The following TMX4 variants were observed in gnomAD, a reference collection of about 807,000 sequenced individuals.
TMX4 encodes the protein thioredoxin-related transmembrane protein 4.
In TMX4, 23 loss-of-function variants were observed where a neutral mutation model predicts 33.3. The ratio of observed to expected loss-of-function variants is 0.69; its 90% CI spans 0.50 to 0.98. The LOEUF (loss-of-function observed/expected upper bound fraction) is 0.98. TMX4 is among the 50% of genes least tolerant of loss of function. The pLI, the probability that TMX4 is intolerant of heterozygous loss-of-function variation, is 0.00. For synonymous variants in TMX4, 164 were observed against 161.5 expected (o/e 1.02, Z -0.12); for missense variants, 399 against 448.9 (o/e 0.89, Z 1.01).
intron 1 of TMX4, among the ~76,000 whole-genome samples, chr20:8,010,757 T>C (rs566938147): frequency 8.7e-4 from 132 of 152,222 alleles, no homozygotes; most frequent in Non-Finnish European, 1.5e-3. Context: ...AATCTGTTGT[T>C]TGAGCATCCT....
At position 7,979,173 on chromosome 20, in the gene TMX4, T is replaced by C. The variant is rs2050593990; in HGVS notation, c.*3078A>G. On this transcript the variant is annotated 3_prime_UTR_variant, in exon 8 of 8. Coordinates refer to ENST00000246024, the MANE Select transcript of TMX4 (RefSeq NM_021156.4). ...TACAGAAAAAATCCACAAACTCTTA[T>C]CGAAATGTTCATATAAAGTTTAAAT... is the stretch of plus-strand genomic sequence containing the variant. 1 of 152,164 alleles carries C rather than the reference T, an allele frequency of 6.6e-6. No individual in the cohort carries two copies. Among genetic ancestry groups the C allele is most frequent in the African/African-American group, 2.4e-5 (1 of 41,434 alleles). The allele number at this position is 152,164 out of a possible 1,614,324, so 9.4% of individuals were successfully genotyped here.
chr20:8,001,708 A>T lies in TMX4; in HGVS notation c.293-167T>A, dbSNP rs531400889. ...CATTTCTACCTATTTTTATTACCTA[A>T]CACTTTCTAGTAACTGACATACAAC... On this transcript the variant is annotated intron_variant, in intron 2 of 7. Coordinates refer to ENST00000246024, the MANE Select transcript of TMX4 (RefSeq NM_021156.4). 3.3e-5 allele frequency among the ~76,000 whole-genome samples: 5 copies of T among 152,252 alleles called. No individual in the cohort carries two copies. In the East Asian group the frequency reaches 9.6e-4, roughly 29 times the overall value.
intron 1 of TMX4, among the ~76,000 whole-genome samples, chr20:8,012,429 C>T (rs1395080043): frequency 6.6e-6 from 1 of 152,082 alleles, no homozygotes; most frequent in Non-Finnish European, 1.5e-5. Context: ...GACCTTACAG[C>T]CTCACTGCCA....
chr20:7,997,417 T>C (rs1030454071), intron 4 of TMX4, among the ~76,000 whole-genome samples: 1 of 152,084 alleles, frequency 6.6e-6, no homozygotes, highest in Non-Finnish European at 1.5e-5. Context: ...CCCCCTCTTT[T>C]TTTCCTTTTT....
At chr20:8,015,205 C>G (rs1176237396) in intron 1 of TMX4, among the ~76,000 whole-genome samples, 2 of 152,066 alleles carry the variant, frequency 1.3e-5, no homozygotes, top group Non-Finnish European at 2.9e-5. Flanking sequence ...GGCTTTAAAC[C>G]CTTTGTGGAA....
Position 7,978,295 on chromosome 20 carries a change from C to T in TMX4, c.*3956G>A, listed in dbSNP as rs976606732. On this transcript the variant is annotated 3_prime_UTR_variant, in exon 8 of 8. Transcript: ENST00000246024. ...TTTTATGCTGAAATCTCAGGTTTGCCGTAACTTTTCCACCTTTTTTTAAAA... is the reference window on the plus strand; with the variant it reads ...TTTTATGCTGAAATCTCAGGTTTGCTGTAACTTTTCCACCTTTTTTTAAAA... The T allele has an allele frequency of 2.6e-5, 4 of 152,118 alleles. No individual in the cohort carries two copies. Among genetic ancestry groups the T allele is most frequent in the Non-Finnish European group, 5.9e-5 (4 of 68,018 alleles). The allele number at this position is 152,118 out of a possible 1,614,324, so 9.4% of individuals were successfully genotyped here.
chr20:8,014,099 T>A (rs1348259579), intron 1 of TMX4, among the ~76,000 whole-genome samples: 2 of 152,242 alleles, frequency 1.3e-5, no homozygotes, highest in Non-Finnish European at 2.9e-5. Flanking sequence ...ATGCTCAAAT[T>A]TATTTCTTTG....
chr20:8,002,882 G>A lies in TMX4; in HGVS notation c.293-1341C>T, dbSNP rs565866951. On this transcript the variant is annotated intron_variant, in intron 2 of 7. Transcript: ENST00000246024. ...ATTTAAAAGGAAACACAATGCTCTG[G>A]ATTAGTAAAAGTCAAAGTCACAAAA... is the stretch of plus-strand genomic sequence containing the variant. 2.0e-5 allele frequency among the ~76,000 whole-genome samples: 3 copies of A among 152,180 alleles called. No homozygotes were observed. The East Asian group carries it at 5.8e-4, about 29-fold the overall frequency.
chr20:8,003,991 G>A (rs139238400), intron 2 of TMX4, among the ~76,000 whole-genome samples: 1 of 152,100 alleles, frequency 6.6e-6, no homozygotes, highest in African/African-American at 2.4e-5. Context: ...TTTGCTGTCT[G>A]GAATAATATT....
At chr20:8,016,455 A>C (rs1403508673) in intron 1 of TMX4, among the ~76,000 whole-genome samples, 2 of 152,266 alleles carry the variant, frequency 1.3e-5, no homozygotes, top group African/African-American at 4.8e-5. Context: ...TTCTAAAATC[A>C]TCAGAATAGA....
In TMX4 at chr20:7,982,387, T is replaced by C. The variant is rs574804639; in HGVS notation, c.914A>G (p.Asp305Gly). 59 of 1,614,074 alleles carry C rather than the reference T, an allele frequency of 3.7e-5. 1 individual carries two copies. In the South Asian group the frequency reaches 6.1e-4, roughly 17 times the overall value. The change falls in exon 8 of 8, where the codon GAC (aspartate) becomes GGC (glycine). Residue 305 changes from aspartate to glycine, a missense_variant. Coordinates refer to ENST00000246024, the MANE Select transcript of TMX4 (RefSeq NM_021156.4). ...CTCTACTTCCTCCCGGGTCACACCG[T>C]CCTCTCCTGGGGGCCCCTGATCATT... is the stretch of plus-strand genomic sequence containing the variant. Reference protein sequence around the residue: ...EANDQGPPGEDGVTREEVEPE... With the variant: ...EANDQGPPGEGGVTREEVEPE...
chr20:7,988,202 G>C (rs764269228), intron 5 of TMX4, among the ~76,000 whole-genome samples: 11 of 152,284 alleles, frequency 7.2e-5, no homozygotes, highest in Admixed American at 5.9e-4. Context: ...GACCCTGACA[G>C]CTTCAAAAAT....
At chr20:7,987,525 A>G (rs1293346469) in intron 5 of TMX4, 136 bp from the exon 6 acceptor site, 6 of 554,498 alleles carry the variant, frequency 1.1e-5, no homozygotes, top group Non-Finnish European at 1.8e-5. Context: ...CTTAAAGAAC[A>G]AGTCAATTTT....
At chr20:8,013,263 A>T (rs1365873476) in intron 1 of TMX4, among the ~76,000 whole-genome samples, 1 of 152,174 alleles carries the variant, frequency 6.6e-6, no homozygotes, top group Non-Finnish European at 1.5e-5. Flanking sequence ...TCTCCTAAGA[A>T]CTATAAAAGA....
At position 7,978,503 on chromosome 20, in the gene TMX4, T is replaced by C. The variant is rs2050590798; in HGVS notation, c.*3748A>G. On this transcript the variant is annotated 3_prime_UTR_variant, in exon 8 of 8. Coordinates refer to ENST00000246024, the MANE Select transcript of TMX4 (RefSeq NM_021156.4). ...TGTAGACTGACATATTCCCAAATCA[T>C]ATTAGAACATCACAGCTGTCAACAA... 6.6e-6 allele frequency: 1 copy of C among 152,216 alleles called. No individual in the cohort carries two copies. The highest frequency in any genetic ancestry group is 6.5e-5 in the Admixed American group (1 of 15,276). The allele number at this position is 152,216 out of a possible 1,614,324, so 9.4% of individuals were successfully genotyped here. A position where few individuals can be genotyped will look rare whatever the true frequency, so the allele number is the denominator to read the frequency against.
intron 1 of TMX4, among the ~76,000 whole-genome samples, chr20:8,014,815 C>G (rs184752090): frequency 2.1e-4 from 32 of 152,294 alleles, no homozygotes; most frequent in African/African-American, 7.2e-4. Context: ...CGAACAAGGC[C>G]TACCCTCATG....
At chr20:8,019,114 C>A in intron 1 of TMX4, 2 of 484,422 alleles carry the variant, frequency 4.1e-6, no homozygotes, top group South Asian at 3.5e-5. Flanking sequence ...CACTCCACCC[C>A]GAAAACACTG....
rs1045627929 is a variant in TMX4, at chr20:8,009,808, TAACA to T, written c.292+388_292+391del. On this transcript the variant is annotated intron_variant, in intron 2 of 7. Coordinates refer to ENST00000246024, the MANE Select transcript of TMX4 (RefSeq NM_021156.4). ...TTGATTGCAAGAGACTAAAAAGACTTAACAACCAAATGTAATTTATGAACCATGA... is the reference window on the plus strand; with the variant it reads ...TTGATTGCAAGAGACTAAAAAGACTTACCAAATGTAATTTATGAACCATGA... 2.1e-5 allele frequency among the ~76,000 whole-genome samples: 3 copies of T among 144,022 alleles called. No individual in the cohort carries two copies. The Admixed American group carries it at 2.1e-4, about 10-fold the overall frequency. 94.5% of individuals were successfully genotyped at this position (144,022 alleles called of 152,430 possible). A position where few individuals can be genotyped will look rare whatever the true frequency, so the allele number is the denominator to read the frequency against.
intron 2 of TMX4, among the ~76,000 whole-genome samples, chr20:8,009,471 A>G (rs74910776): frequency 0.013 from 1,942 of 152,190 alleles, 49 homozygotes; most frequent in African/African-American, 0.045. Flanking sequence ...GCTAATCACA[A>G]TGTGAGATCC....
Sources: allele counts gnomAD v4.1 joint callset (sites outside exome capture counted in the v4.1 genomes callset), GRCh38; gene constraint gnomAD v4.1.1; transcripts MANE v1.5; gene names NCBI Gene and HGNC (gene_info 2026-07-23, HGNC 2026-07-21).